LNX2: variants seen among roughly 807,000 people sequenced by gnomAD.
LNX2 encodes the protein ligand of numb-protein X 2.
In LNX2, 35 loss-of-function variants were observed where a neutral mutation model predicts 66.2. The observed-to-expected ratio is 0.53, with a 90% CI of 0.40 to 0.70. LNX2 has a LOEUF of 0.70. Ranked by LOEUF, LNX2 falls within the 30% of genes least tolerant of loss-of-function variation. LNX2 has a pLI of 0.00. For missense variants in LNX2, 791 were observed against 850.8 expected, an observed-to-expected ratio of 0.93 and a Z score of 0.87; for synonymous variants, 337 against 315.6, an observed-to-expected ratio of 1.07 and a Z score of -0.72.
intron 1 of LNX2, among the ~76,000 whole-genome samples, chr13:27,590,132 A>C (rs1302222746): frequency 2.0e-5 from 3 of 151,860 alleles, no homozygotes; most frequent in Non-Finnish European, 4.4e-5. Flanking sequence ...TTGTATTTTT[A>C]GTAGAGACGG....
chr13:27,591,773 T>C (rs762757843), intron 1 of LNX2, among the ~76,000 whole-genome samples: 1 of 152,320 alleles, frequency 6.6e-6, no homozygotes. Context: ...TGCAGTATTT[T>C]AGACGCTGAA....
chr13:27,605,440 T>C (rs1361253305), intron 1 of LNX2, among the ~76,000 whole-genome samples: 1 of 152,210 alleles, frequency 6.6e-6, no homozygotes, highest in Non-Finnish European at 1.5e-5. Context: ...AACCTATCTC[T>C]TCATTGGCCA....
Position 27,589,676 on chromosome 13 carries a change from G to A in LNX2, c.-100-7873C>T, listed in dbSNP as rs929238310. Among the ~76,000 whole-genome samples, 3 of 152,120 alleles carry A rather than the reference G, an allele frequency of 2.0e-5. No individual in the cohort carries two copies. The South Asian group carries it at 6.2e-4, about 32-fold the overall frequency. On this transcript the variant is annotated intron_variant, in intron 1 of 9. Transcript: ENST00000316334. ...AAAAACCAAACTGGGTTACCTGCCT[G>A]ATTCCTACACTGAAGACAGTTATAC...
intron 2 of LNX2, among the ~76,000 whole-genome samples, chr13:27,579,594 A>C (rs1955376480): frequency 6.6e-6 from 1 of 152,362 alleles, no homozygotes; most frequent in Admixed American, 6.5e-5. Context: ...GTAATAGTTC[A>C]ACTGCAAATT....
chr13:27,613,197 G>A (rs1376104598), intron 1 of LNX2, among the ~76,000 whole-genome samples: 1 of 152,108 alleles, frequency 6.6e-6, no homozygotes, highest in Admixed American at 6.5e-5. Flanking sequence ...CCAGTGGGAA[G>A]CATATTCCAG....
At chr13:27,579,713 A>G (rs1285570240) in intron 2 of LNX2, among the ~76,000 whole-genome samples, 1 of 152,180 alleles carries the variant, frequency 6.6e-6, no homozygotes, top group Non-Finnish European at 1.5e-5. Flanking sequence ...CAGTTCCTCT[A>G]ACATCTCATA....
At chr13:27,565,528 G>C (rs1955193989) in intron 4 of LNX2, among the ~76,000 whole-genome samples, 2 of 152,136 alleles carry the variant, frequency 1.3e-5, no homozygotes. Context: ...CAGGAGCTAG[G>C]ATGTAAATAA....
chr13:27,583,241 T>TGCGCGCGCGCGCGCGC (rs1456101243), intron 1 of LNX2, among the ~76,000 whole-genome samples: 1 of 20,542 alleles, frequency 4.9e-5, no homozygotes, highest in African/African-American at 3.1e-4. Flanking sequence ...TGTGTGTGTG[T>TGCGCGCGCGCGCGCGC]GTGTGTGTGT....
At chr13:27,612,193 T>C (rs529694374) in intron 1 of LNX2, among the ~76,000 whole-genome samples, 17 of 152,186 alleles carry the variant, frequency 1.1e-4, no homozygotes, top group Non-Finnish European at 2.2e-4. Flanking sequence ...GGGTTTGTAA[T>C]GATGAAGTTT....
At chr13:27,588,716 TTTAA>T (rs1362607820) in intron 1 of LNX2, among the ~76,000 whole-genome samples, 2 of 152,198 alleles carry the variant, frequency 1.3e-5, no homozygotes, top group Non-Finnish European at 2.9e-5. Flanking sequence ...AAATAAAAAG[TTTAA>T]TTAAAAAATT....
chr13:27,619,740 C>A (rs1218959), intron 1 of LNX2, among the ~76,000 whole-genome samples: 88,940 of 152,114 alleles, frequency 0.58, 26,641 homozygotes, highest in South Asian at 0.66. Context: ...ACGTGGCATA[C>A]AGCTTTGAAA....
Position 27,588,021 on chromosome 13 carries a change from C to CAAA in LNX2, c.-100-6221_-100-6219dup, listed in dbSNP as rs56812051. Among the ~76,000 whole-genome samples the CAAA allele has an allele frequency of 3.2e-4, 30 of 93,516 alleles. 1 individual carries two copies. The highest frequency in any genetic ancestry group is 3.7e-4 in the Admixed American group (3 of 8,036). The allele number at this position is 93,516 out of a possible 152,430, so 61.4% of individuals were successfully genotyped here. On this transcript the variant is annotated intron_variant, in intron 1 of 9. Transcript: ENST00000316334. Reference sequence around the variant, plus strand: ...GGGCAAGAGTGCGAGACTCTTGTCACAAAAAAAAAAAAAAAAAAAAAAAAA... The same window carrying CAAA: ...GGGCAAGAGTGCGAGACTCTTGTCACAAAAAAAAAAAAAAAAAAAAAAAAAAAA...
intron 1 of LNX2, among the ~76,000 whole-genome samples, chr13:27,594,756 T>G (rs1955579274): frequency 6.6e-6 from 1 of 152,110 alleles, no homozygotes; most frequent in African/African-American, 2.4e-5. Context: ...ATCCTCCCGT[T>G]TCTCTTTCTC....
chr13:27,554,894 T>C lies in LNX2; in HGVS notation c.1546+1342A>G, dbSNP rs117446359. 6.8e-4 allele frequency among the ~76,000 whole-genome samples: 103 copies of C among 152,328 alleles called. 1 individual carries two copies. Among genetic ancestry groups the C allele is most frequent in the Admixed American group, 2.9e-3 (44 of 15,300 alleles). On this transcript the variant is annotated intron_variant, in intron 7 of 9. Coordinates refer to ENST00000316334, the MANE Select transcript of LNX2 (RefSeq NM_153371.4). The stretch of plus-strand genomic sequence containing the variant: ...TGCTCCACATCCTTGCCAGTGTTTG[T>C]TATTGGCTGTCTTTTTCATTATTGT...
At chr13:27,595,516 A>G (rs2138437062) in intron 1 of LNX2, among the ~76,000 whole-genome samples, 1 of 152,264 alleles carries the variant, frequency 6.6e-6, no homozygotes, top group South Asian at 2.1e-4. Flanking sequence ...CAATCCTACC[A>G]ATTTTGTCTC....
intron 1 of LNX2, among the ~76,000 whole-genome samples, chr13:27,588,708 A>G (rs1211004658): frequency 6.6e-6 from 1 of 152,218 alleles, no homozygotes; most frequent in African/African-American, 2.4e-5. Flanking sequence ...TTATCACAAA[A>G]TAAAAAGTTT....
Position 27,550,503 on chromosome 13 carries a change from C to T in LNX2, c.1779-12G>A. 1 of 1,587,600 alleles carries T rather than the reference C, an allele frequency of 6.3e-7. No homozygotes were observed. The highest frequency in any genetic ancestry group is 8.6e-7 in the Non-Finnish European group (1 of 1,169,226). ...AGCTATGAAGTGTGCTATAAACAAACAGAAAAATAAAGAAAAAATTAACAT... is the reference window on the plus strand; with the variant it reads ...AGCTATGAAGTGTGCTATAAACAAATAGAAAAATAAAGAAAAAATTAACAT... On this transcript the variant is annotated splice_polypyrimidine_tract_variant and intron_variant, in intron 8 of 9. Coordinates refer to ENST00000316334, the MANE Select transcript of LNX2 (RefSeq NM_153371.4).
rs7983035 is a variant in LNX2 at position 27,572,651 on chromosome 13, T to C, written c.408-3375A>G. ...GGCTCTCCTCCTAAGGGAAAAATTATATATGGACTAATTTGATTTATGCTA... is the reference window on the plus strand; with the variant it reads ...GGCTCTCCTCCTAAGGGAAAAATTACATATGGACTAATTTGATTTATGCTA... On this transcript the variant is annotated intron_variant, in intron 2 of 9. Coordinates refer to ENST00000316334, the MANE Select transcript of LNX2 (RefSeq NM_153371.4). 5.7e-3 allele frequency among the ~76,000 whole-genome samples: 871 copies of C among 152,312 alleles called. 6 individuals are homozygous for C. Among genetic ancestry groups the C allele is most frequent in the African/African-American group, 0.02 (811 of 41,568 alleles).
chr13:27,578,590 A>C (rs1441517996), intron 2 of LNX2, among the ~76,000 whole-genome samples: 11 of 152,182 alleles, frequency 7.2e-5, no homozygotes, highest in African/African-American at 2.4e-5. Flanking sequence ...AGGCAACTTC[A>C]AGGCTAGATC....
Sources: allele counts gnomAD v4.1 joint callset (sites outside exome capture counted in the v4.1 genomes callset), GRCh38; gene constraint gnomAD v4.1.1; transcripts MANE v1.5; gene names NCBI Gene and HGNC (gene_info 2026-07-23, HGNC 2026-07-21).